The following SDK1 variants were observed in gnomAD, a reference collection of about 807,000 sequenced individuals.
SDK1 encodes the protein protein sidekick-1.
SDK1 carries 157 observed loss-of-function variants against 245.5 expected under a neutral mutation model. The observed-to-expected ratio is 0.64, with a 90% confidence interval of 0.56 to 0.73. The LOEUF (loss-of-function observed/expected upper bound fraction) is 0.73, where lower values mean the gene tolerates loss of function less well. Among genes scored for constraint, SDK1 ranks in the 30% least tolerant of loss-of-function variants. SDK1 has a pLI of 0.00. For missense variants in SDK1, 3,583 were observed against 3,002.3 expected, an observed-to-expected ratio of 1.19 and a Z score of -4.52; for synonymous variants, 1,647 against 1,278.5, an observed-to-expected ratio of 1.29 and a Z score of -6.15.
At chr7:3,319,079 ATTAAT>A (rs1323438032) in intron 1 of SDK1, among the ~76,000 whole-genome samples, 1 of 152,154 alleles carries the variant, frequency 6.6e-6, no homozygotes, top group East Asian at 1.9e-4. Context: ...GCATTGTTAA[ATTAAT>A]TGGCATGACA....
chr7:3,317,092 A>C (rs547704494), intron 1 of SDK1, among the ~76,000 whole-genome samples: 47 of 149,468 alleles, frequency 3.1e-4, no homozygotes, highest in Middle Eastern at 3.4e-3. Context: ...GAGGTGGGAG[A>C]ATCACTTGAG....
intron 4 of SDK1, among the ~76,000 whole-genome samples, chr7:3,739,307 C>T (rs1368721661): frequency 3.9e-5 from 6 of 152,136 alleles, no homozygotes; most frequent in Non-Finnish European, 5.9e-5. Flanking sequence ...TTTTGAGCTG[C>T]TTACATATAC....
intron 1 of SDK1, chr7:3,337,900 T>C (rs1780244842): frequency 6.6e-6 from 1 of 152,222 alleles, no homozygotes; most frequent in African/African-American, 2.4e-5. Context: ...AAAAGTTCTT[T>C]AAATGAATGG....
intron 4 of SDK1, among the ~76,000 whole-genome samples, chr7:3,740,095 T>TTG (rs369283465): frequency 7.9e-5 from 12 of 152,182 alleles, no homozygotes; most frequent in African/African-American, 2.2e-4. Context: ...GGGAAGGGAC[T>TTG]TGTGTGTGTG....
chr7:3,946,680 T>C (rs1398326579), intron 5 of SDK1, among the ~76,000 whole-genome samples: 3 of 152,168 alleles, frequency 2.0e-5, no homozygotes, highest in African/African-American at 7.2e-5. Context: ...TATTTAAGGA[T>C]ACTCTAGCTA....
chr7:3,569,018 T>TTC (rs1010459178), intron 1 of SDK1, among the ~76,000 whole-genome samples: 17 of 151,930 alleles, frequency 1.1e-4, no homozygotes, highest in African/African-American at 3.9e-4. Context: ...TTTTTTTTTT[T>TTC]TTCTAGTAAC....
At chr7:3,326,624 G>T (rs1779947286) in intron 1 of SDK1, among the ~76,000 whole-genome samples, 1 of 152,116 alleles carries the variant, frequency 6.6e-6, no homozygotes, top group Non-Finnish European at 1.5e-5. Context: ...AGTCCTCATT[G>T]CTACATCTTC....
intron 40 of SDK1, 77 bp from the exon 41 acceptor site, chr7:4,233,178 C>A: frequency 6.9e-7 from 1 of 1,446,046 alleles, no homozygotes; most frequent in Non-Finnish European, 9.5e-7. Flanking sequence ...AGCCGACCCA[C>A]CAGGCAGGTG....
chr7:4,058,273 G>T (rs746784004), intron 19 of SDK1, among the ~76,000 whole-genome samples: 1 of 151,934 alleles, frequency 6.6e-6, no homozygotes, highest in African/African-American at 2.4e-5. Context: ...AAATACAATA[G>T]TAAGCTTCGG....
chr7:3,499,550 C>G (rs548283772), intron 1 of SDK1, among the ~76,000 whole-genome samples: 12 of 152,206 alleles, frequency 7.9e-5, no homozygotes, highest in African/African-American at 2.9e-4. Flanking sequence ...GAGGTAAACA[C>G]GTCAGGTTTG....
chr7:3,653,957 T>G (rs1194976790), intron 4 of SDK1, among the ~76,000 whole-genome samples: 1 of 152,172 alleles, frequency 6.6e-6, no homozygotes, highest in Non-Finnish European at 1.5e-5. Flanking sequence ...CCAAGTAATG[T>G]TCAGAGATGG....
intron 1 of SDK1, among the ~76,000 whole-genome samples, chr7:3,354,178 T>C (rs1234719188): frequency 6.6e-6 from 1 of 151,998 alleles, no homozygotes; most frequent in Non-Finnish European, 1.5e-5. Context: ...TTTTGTATTT[T>C]TAGTAGTGAT....
intron 14 of SDK1, among the ~76,000 whole-genome samples, chr7:3,997,281 A>T (rs1784753906): frequency 6.6e-6 from 1 of 152,196 alleles, no homozygotes; most frequent in South Asian, 2.1e-4. Context: ...GGTGAGGAAG[A>T]TGAAGAGGAG....
intron 40 of SDK1, 27 bp downstream of exon 40, chr7:4,221,391 G>T (rs775910578): frequency 5.0e-5 from 80 of 1,587,368 alleles, no homozygotes; most frequent in Non-Finnish European, 5.1e-6. Context: ...CACAAACGGG[G>T]TCTCAGCCCA....
At chr7:3,514,746 A>G (rs1358592303) in intron 1 of SDK1, among the ~76,000 whole-genome samples, 1 of 152,200 alleles carries the variant, frequency 6.6e-6, no homozygotes, top group African/African-American at 2.4e-5. Flanking sequence ...CCAGAACTGT[A>G]GGTACGTGGA....
intron 4 of SDK1, among the ~76,000 whole-genome samples, chr7:3,675,817 C>T (rs949898741): frequency 6.6e-6 from 1 of 152,074 alleles, no homozygotes; most frequent in African/African-American, 2.4e-5. Flanking sequence ...GTATGCCATG[C>T]CCCGTATGTC....
chr7:3,539,641 A>G (rs747168786), intron 1 of SDK1, among the ~76,000 whole-genome samples: 1 of 152,138 alleles, frequency 6.6e-6, no homozygotes, highest in Non-Finnish European at 1.5e-5. Context: ...ATAATTCGTG[A>G]TGTGTAATAG....
chr7:3,670,385 G>C (rs939610708), intron 4 of SDK1, among the ~76,000 whole-genome samples: 1 of 152,078 alleles, frequency 6.6e-6, no homozygotes, highest in Admixed American at 6.6e-5. Flanking sequence ...TTAGTTTCCC[G>C]GATCAGATAC....
rs183261190 is a variant in SDK1 at position 4,071,261 on chromosome 7, G to A, written c.3010+3325G>A. The stretch of plus-strand genomic sequence containing the variant: ...GCTGGTCTTGAACTCCTGACCTCAG[G>A]TGATCCACCCACTTCGGCCTCCCAA... On this transcript the variant is annotated intron_variant, in intron 20 of 44. Transcript: ENST00000404826. Among the ~76,000 whole-genome samples, 618 of 152,006 alleles carry A rather than the reference G, an allele frequency of 4.1e-3. 4 individuals are homozygous for A. The highest frequency in any genetic ancestry group is 0.014 in the African/African-American group (586 of 41,486).
Sources: allele counts gnomAD v4.1 joint callset (sites outside exome capture counted in the v4.1 genomes callset), GRCh38; gene constraint gnomAD v4.1.1; transcripts MANE v1.5; gene names NCBI Gene and HGNC (gene_info 2026-07-23, HGNC 2026-07-21).